CA10: variants seen among roughly 807,000 people sequenced by gnomAD.
CA10 encodes carbonic anhydrase 10 (inactive).
A neutral mutation model predicts 44.2 loss-of-function variants in CA10; 14 were observed. The ratio of observed to expected loss-of-function variants is 0.32; its 90% confidence interval spans 0.21 to 0.50. The LOEUF (loss-of-function observed/expected upper bound fraction) is 0.50, where lower values mean the gene tolerates loss of function less well. CA10 is among the 20% of genes least tolerant of loss of function. The probability of loss-of-function intolerance (pLI) is 0.99; values close to 1 mark genes in which losing one functional copy is unlikely to be tolerated. For synonymous variants in CA10, 159 were observed against 141.6 expected, an observed-to-expected ratio of 1.12 and a Z score of -0.87; for missense variants, 350 against 409.7, an observed-to-expected ratio of 0.85 and a Z score of 1.26.
intron 1 of CA10, among the ~76,000 whole-genome samples, chr17:52,078,736 C>T (rs189130990): frequency 6.6e-6 from 1 of 152,206 alleles, no homozygotes; most frequent in African/African-American, 2.4e-5. Context: ...TTGAGAAGTG[C>T]ATGGATCGTC....
intron 3 of CA10, among the ~76,000 whole-genome samples, chr17:51,848,713 A>G (rs1193657423): frequency 6.6e-6 from 1 of 152,168 alleles, no homozygotes; most frequent in African/African-American, 2.4e-5. Flanking sequence ...AAACATTTAT[A>G]GTGGCCGGAG....
chr17:51,972,351 T>A (rs1598147118), intron 2 of CA10, among the ~76,000 whole-genome samples: 1 of 134,522 alleles, frequency 7.4e-6, no homozygotes, highest in Non-Finnish European at 1.6e-5. Context: ...AGATTCCATA[T>A]CTAAAGTTAA....
Position 52,133,494 on chromosome 17 carries a change from G to T in CA10, c.61+24232C>A, listed in dbSNP as rs566092379. On this transcript the variant is annotated intron_variant, in intron 1 of 8. Transcript: ENST00000451037. ...ACTGGAAGAAGAGGCTTCAGGATTT[G>T]GGGAGAGCAAAGCAAAAAGTGTTAA... Among the ~76,000 whole-genome samples, 3 of 152,150 alleles carry T rather than the reference G, an allele frequency of 2.0e-5. No individual in the cohort carries two copies. In the East Asian group the frequency reaches 5.8e-4, roughly 29 times the overall value.
intron 3 of CA10, among the ~76,000 whole-genome samples, chr17:51,760,501 T>C (rs1255759623): frequency 2.0e-5 from 3 of 152,102 alleles, no homozygotes; most frequent in Non-Finnish European, 2.9e-5. Flanking sequence ...CTCTCATCTC[T>C]TGGATGTCTT....
chr17:51,763,772 T>A (rs1417091318), intron 3 of CA10, among the ~76,000 whole-genome samples: 2 of 152,106 alleles, frequency 1.3e-5, no homozygotes, highest in East Asian at 3.9e-4. Flanking sequence ...AGAGTAACCT[T>A]TCCTTCTTCT....
chr17:51,832,769 G>A (rs1313897834), intron 3 of CA10, among the ~76,000 whole-genome samples: 1 of 152,172 alleles, frequency 6.6e-6, no homozygotes, highest in Non-Finnish European at 1.5e-5. Context: ...AGAGATTGAA[G>A]ATAAGGATCA....
chr17:51,931,711 C>T (rs1156794539), intron 2 of CA10, among the ~76,000 whole-genome samples: 1 of 152,020 alleles, frequency 6.6e-6, no homozygotes, highest in Non-Finnish European at 1.5e-5. Flanking sequence ...GTGTCATTAA[C>T]CTAATGTACT....
At chr17:52,123,371 G>GGTGTGTGTGTGT (rs34184028) in intron 1 of CA10, among the ~76,000 whole-genome samples, 24,849 of 146,150 alleles carry the variant, frequency 0.17, 2,947 homozygotes, top group African/African-American at 0.34. Context: ...ATATATATGG[G>GGTGTGTGTGTGT]GTGTGTGTGT....
chr17:51,806,391 A>G (rs1276178985), intron 3 of CA10, among the ~76,000 whole-genome samples: 1 of 152,208 alleles, frequency 6.6e-6, no homozygotes, highest in African/African-American at 2.4e-5. Context: ...CTTTCATTAA[A>G]CCAACAATTA....
chr17:52,061,565 C>A (rs1286507733), intron 2 of CA10, among the ~76,000 whole-genome samples: 2 of 152,128 alleles, frequency 1.3e-5, no homozygotes, highest in Admixed American at 6.6e-5. Context: ...TGTTGAGAGA[C>A]CTAGTGGGAG....
intron 3 of CA10, among the ~76,000 whole-genome samples, chr17:51,890,821 G>A (rs949925802): frequency 2.6e-5 from 4 of 152,196 alleles, no homozygotes; most frequent in Non-Finnish European, 1.5e-5. Context: ...TACTGAATTT[G>A]GAGCTAGTTG....
chr17:51,656,432 G>A (rs1439112926), intron 4 of CA10, among the ~76,000 whole-genome samples: 1 of 152,200 alleles, frequency 6.6e-6, no homozygotes, highest in East Asian at 1.9e-4. Flanking sequence ...CTGAAGTCAT[G>A]CCTCCTCTCT....
In CA10 at chr17:51,940,907, T is replaced by C. The variant is rs138272265; in HGVS notation, c.137-9775A>G. 3.6e-4 allele frequency among the ~76,000 whole-genome samples: 55 copies of C among 152,248 alleles called. 1 individual carries two copies. In the East Asian group the frequency reaches 0.01, roughly 29 times the overall value. Reference sequence around the variant, plus strand: ...TGAATATCTTTGTCCACCAAAGTGATAGTGAAAAATCAAAACAATAAAATT... The same window carrying C: ...TGAATATCTTTGTCCACCAAAGTGACAGTGAAAAATCAAAACAATAAAATT... On this transcript the variant is annotated intron_variant, in intron 2 of 8. Transcript: ENST00000451037.
intron 3 of CA10, among the ~76,000 whole-genome samples, chr17:51,868,737 C>T (rs993788062): frequency 1.3e-5 from 2 of 152,080 alleles, no homozygotes; most frequent in African/African-American, 4.8e-5. Context: ...TTACAAATAA[C>T]ACTTATGAGC....
chr17:51,683,301 G>GT (rs1248675747), intron 4 of CA10, among the ~76,000 whole-genome samples: 1 of 152,156 alleles, frequency 6.6e-6, no homozygotes, highest in Non-Finnish European at 1.5e-5. Context: ...CATGACCGCT[G>GT]TAACTGGAGT....
chr17:52,060,154 A>G (rs1327970135), intron 2 of CA10, among the ~76,000 whole-genome samples: 1 of 152,172 alleles, frequency 6.6e-6, no homozygotes, highest in African/African-American at 2.4e-5. Context: ...CTCTATCTCC[A>G]GGGAACCTTT....
chr17:51,660,820 G>C (rs562195685), intron 4 of CA10, among the ~76,000 whole-genome samples: 2 of 152,224 alleles, frequency 1.3e-5, no homozygotes, highest in South Asian at 4.2e-4. Context: ...CTAACCATGT[G>C]TCCTTGTTTT....
chr17:52,066,957 T>C (rs764758699), intron 2 of CA10, among the ~76,000 whole-genome samples: 1 of 152,190 alleles, frequency 6.6e-6, no homozygotes, highest in Non-Finnish European at 1.5e-5. Context: ...TGGTTTGATA[T>C]TGGAACTTAT....
chr17:51,738,976 TACAC>T (rs1372224171), intron 4 of CA10, among the ~76,000 whole-genome samples: 4 of 152,168 alleles, frequency 2.6e-5, no homozygotes, highest in Non-Finnish European at 5.9e-5. Flanking sequence ...TTTTCCTTTG[TACAC>T]ACAGGGGGTA....
Sources: allele counts gnomAD v4.1 joint callset (sites outside exome capture counted in the v4.1 genomes callset), GRCh38; gene constraint gnomAD v4.1.1; transcripts MANE v1.5; gene names NCBI Gene and HGNC (gene_info 2026-07-23, HGNC 2026-07-21).